Variants in IQSEC1 observed in about 807,000 individuals in gnomAD.
IQSEC1 encodes the protein IQ motif and Sec7 domain ArfGEF 1, also known as IQ motif and SEC7 domain-containing protein 1.
In IQSEC1, 31 loss-of-function variants were observed where a neutral mutation model predicts 91.0. The observed-to-expected ratio is 0.34, with a 90% CI of 0.26 to 0.46. The LOEUF (loss-of-function observed/expected upper bound fraction) is 0.46, where lower values mean the gene tolerates loss of function less well. Ranked by LOEUF, IQSEC1 falls within the 20% of genes least tolerant of loss-of-function variation. The pLI is 1.00. For missense variants in IQSEC1, 1,388 were observed against 1,575.6 expected (o/e 0.88, Z 2.02); for synonymous variants, 699 against 662.6 (o/e 1.05, Z -0.84).
chr3:12,980,809 C>T (rs1701412989), intron 1 of IQSEC1, among the ~76,000 whole-genome samples: 1 of 152,168 alleles, frequency 6.6e-6, no homozygotes, highest in Admixed American at 6.5e-5. Context: ...TCTCACTGTC[C>T]AGCCCTGCCT....
intron 1 of IQSEC1, among the ~76,000 whole-genome samples, chr3:13,051,400 A>G (rs1167434842): frequency 6.6e-6 from 1 of 152,152 alleles, no homozygotes; most frequent in Admixed American, 6.5e-5. Flanking sequence ...CAAGAGCAGG[A>G]AAAAGTGCTG....
chr3:13,160,150 C>T (rs1471958562), intron 2 of IQSEC1, among the ~76,000 whole-genome samples: 1 of 152,152 alleles, frequency 6.6e-6, no homozygotes, highest in Non-Finnish European at 1.5e-5. Context: ...AATTCACAAA[C>T]AGGCTTCTCC....
chr3:12,967,886 A>T lies in IQSEC1; in HGVS notation c.24-26021T>A, dbSNP rs922848754. Among the ~76,000 whole-genome samples, 6 of 11,842 alleles carry T rather than the reference A, an allele frequency of 5.1e-4. No homozygotes were observed. The highest frequency in any genetic ancestry group is 2.0e-3 in the African/African-American group (6 of 3,022). 7.8% of individuals were successfully genotyped at this position (11,842 alleles called of 152,430 possible). ...CCACACGGCGCCGCGGAAGAAGCAC[A>T]GGGGGCGGGGGGTCAGGGGCGGGGC... On this transcript the variant is annotated intron_variant, in intron 1 of 13. Transcript: ENST00000613206. The surrounding 1 kb of genome is among the most constrained non-coding windows in gnomAD (Gnocchi z 5.9).
At chr3:12,964,540 G>C (rs536111475) in intron 1 of IQSEC1, among the ~76,000 whole-genome samples, 1 of 152,348 alleles carries the variant, frequency 6.6e-6, no homozygotes. Flanking sequence ...TTTGACTGGA[G>C]TCCCGAGGAT....
chr3:13,274,145 C>T (rs1178179664), intron 1 of IQSEC1, among the ~76,000 whole-genome samples: 1 of 152,216 alleles, frequency 6.6e-6, no homozygotes, highest in Non-Finnish European at 1.5e-5. Flanking sequence ...CAGCCTCGGG[C>T]TGTTCATGGG....
intron 1 of IQSEC1, among the ~76,000 whole-genome samples, chr3:12,972,713 G>A (rs1308249899): frequency 6.6e-6 from 1 of 152,186 alleles, no homozygotes; most frequent in Non-Finnish European, 1.5e-5. Context: ...ATGTGCCCCA[G>A]AACTATAAAC....
Position 12,937,874 on chromosome 3 carries a change from T to G in IQSEC1, c.319-1177A>C, listed in dbSNP as rs182957920. ...AGGCTCTGGAGCTGGCTTTCCCTCA[T>G]GAGCACCGCCATTCCTAGATGGCTC... On this transcript the variant is annotated intron_variant, in intron 2 of 13. Transcript: ENST00000613206. Among the ~76,000 whole-genome samples the G allele has an allele frequency of 2.5e-3, 378 of 152,306 alleles. 4 individuals carry two copies. The highest frequency in any genetic ancestry group is 8.7e-3 in the African/African-American group (363 of 41,570).
chr3:13,230,886 A>G (rs932796688), intron 1 of IQSEC1, among the ~76,000 whole-genome samples: 7 of 152,364 alleles, frequency 4.6e-5, no homozygotes, highest in African/African-American at 1.7e-4. Context: ...GGACAAAATG[A>G]ATATTTTCCT....
In IQSEC1 at chr3:12,936,853, C is replaced by T. The variant is rs570904577; in HGVS notation, c.319-156G>A. Among the ~76,000 whole-genome samples the T allele has an allele frequency of 8.5e-5, 13 of 152,166 alleles. No homozygotes were observed. The East Asian group carries it at 2.5e-3, about 29-fold the overall frequency. Reference sequence around the variant, plus strand: ...GCTGAGGGATGCTGGTGGGCTTATGCAAAATATGAGTCCCAAGGTCAAACT... The same window carrying T: ...GCTGAGGGATGCTGGTGGGCTTATGTAAAATATGAGTCCCAAGGTCAAACT... On this transcript the variant is annotated intron_variant, in intron 2 of 13. Coordinates refer to ENST00000613206, the MANE Select transcript of IQSEC1 (RefSeq NM_001134382.3).
chr3:12,976,947 G>A (rs1415602329), intron 1 of IQSEC1, among the ~76,000 whole-genome samples: 1 of 40,264 alleles, frequency 2.5e-5, no homozygotes, highest in Non-Finnish European at 5.3e-5. Flanking sequence ...TGGAAGGGCT[G>A]GAAAAATGGT....
chr3:12,937,772 C>T (rs574791531), intron 2 of IQSEC1, among the ~76,000 whole-genome samples: 19 of 152,322 alleles, frequency 1.2e-4, no homozygotes, highest in African/African-American at 4.6e-4. Context: ...GTTCGTAAAG[C>T]CCCCAAGCTC....
Position 13,261,890 on chromosome 3 carries a change from G to A in IQSEC1, c.272+20821C>T, listed in dbSNP as rs11918366. 5.8e-3 allele frequency among the ~76,000 whole-genome samples: 888 copies of A among 152,322 alleles called. 9 individuals carry two copies. The highest frequency in any genetic ancestry group is 0.02 in the African/African-American group (832 of 41,570). ...AGCCAGAAGCCAACGTAAAAATGCC[G>A]TGCTCTGGGATTTTATGGATTTGTA... On this transcript the variant is annotated intron_variant, in intron 1 of 15. Transcript: ENST00000648114.
chr3:12,978,885 T>G (rs1031891014), intron 1 of IQSEC1, among the ~76,000 whole-genome samples: 9 of 152,086 alleles, frequency 5.9e-5, no homozygotes, highest in African/African-American at 1.7e-4. Context: ...GTGGCATGAA[T>G]GGGAATTCAC....
At chr3:12,955,855 A>G (rs1699869725) in intron 1 of IQSEC1, among the ~76,000 whole-genome samples, 1 of 152,168 alleles carries the variant, frequency 6.6e-6, no homozygotes, top group Non-Finnish European at 1.5e-5. Flanking sequence ...CTCGGACTGC[A>G]CGGAGCTCTC....
At chr3:13,231,845 TC>T (rs1694843903) in intron 1 of IQSEC1, among the ~76,000 whole-genome samples, 1 of 152,234 alleles carries the variant, frequency 6.6e-6, no homozygotes, top group Non-Finnish European at 1.5e-5. Flanking sequence ...CCAAAGCTGT[TC>T]ATGGTTTCAG....
intron 2 of IQSEC1, among the ~76,000 whole-genome samples, chr3:13,158,060 G>A (rs1707111550): frequency 1.3e-5 from 2 of 152,214 alleles, no homozygotes; most frequent in African/African-American, 4.8e-5. Flanking sequence ...GTAAGACAAA[G>A]AGAAAGGATT....
intron 2 of IQSEC1, among the ~76,000 whole-genome samples, chr3:13,109,275 C>T (rs535785897): frequency 1.6e-4 from 24 of 152,290 alleles, no homozygotes; most frequent in African/African-American, 5.5e-4. Flanking sequence ...CATTCTCCCA[C>T]CACTCTTTTT....
In IQSEC1 at chr3:12,909,428, G is replaced by T. The variant is rs772338671; in HGVS notation, c.2423C>A (p.Pro808His). 6.2e-7 allele frequency: 1 copy of T among 1,613,636 alleles called. No homozygotes were observed. The highest frequency in any genetic ancestry group is 1.1e-5 in the South Asian group (1 of 91,052). ...QVLLFENQYYPNGIRLTSSVP... is the reference protein window; with the variant it reads ...QVLLFENQYYHNGIRLTSSVP... ...AGACGAGGTGAGCCGGATGCCATTG[G>T]GGTAGTCTGCAAAAGGGAAGGAGAG... Residue 808 changes from proline to histidine, a missense_variant, in exon 11 of 14, where the codon CCC becomes CAC. By Grantham distance (77) the Pro-to-His change is moderately conservative. Coordinates refer to ENST00000613206, the MANE Select transcript of IQSEC1 (RefSeq NM_001134382.3). This position sits in a 1 kb window ranked among gnomAD's most constrained non-coding sequence, Gnocchi z 4.9.
intron 2 of IQSEC1, among the ~76,000 whole-genome samples, chr3:13,102,320 A>G (rs553356063): frequency 6.6e-6 from 1 of 152,194 alleles, no homozygotes; most frequent in East Asian, 1.9e-4. Context: ...TCTGCCTTCC[A>G]TGCGAACAAA....
Sources: allele counts gnomAD v4.1 joint callset (sites outside exome capture counted in the v4.1 genomes callset), GRCh38; gene constraint gnomAD v4.1.1; non-coding constraint Gnocchi (gnomAD v3.1); transcripts MANE v1.5; gene names NCBI Gene and HGNC (gene_info 2026-07-23, HGNC 2026-07-21).